TMEM163: variants seen among roughly 807,000 people sequenced by gnomAD.
TMEM163 encodes the protein transmembrane protein 163.
Under a neutral mutation model 29.3 loss-of-function variants are expected in TMEM163, and 17 were observed. That is an observed-to-expected ratio of 0.58 (90% CI 0.40 to 0.87). The LOEUF is 0.87. Among genes scored for constraint, TMEM163 ranks in the 40% least tolerant of loss-of-function variants. The pLI is 0.00. For synonymous variants in TMEM163, 157 were observed against 160.6 expected, an observed-to-expected ratio of 0.98 and a Z score of 0.17; for missense variants, 303 against 381.5, an observed-to-expected ratio of 0.79 and a Z score of 1.71.
Position 134,524,841 on chromosome 2 carries a change from T to C in TMEM163, c.459-21844A>G, listed in dbSNP as rs147927171. On this transcript the variant is annotated intron_variant, in intron 4 of 7. Coordinates refer to ENST00000281924, the MANE Select transcript of TMEM163 (RefSeq NM_030923.5). ...GCTGCAATGAACATATACATGCATG[T>C]ATGTTTATAATAGAATGATTTCTAT... Among the ~76,000 whole-genome samples the C allele has an allele frequency of 1.3e-5, 2 of 150,400 alleles. 1 individual carries two copies. The highest frequency in any genetic ancestry group is 4.9e-5 in the African/African-American group (2 of 40,948).
At chr2:134,489,297 G>A (rs921672209) in intron 5 of TMEM163, among the ~76,000 whole-genome samples, 32 of 151,808 alleles carry the variant, frequency 2.1e-4, no homozygotes, top group African/African-American at 7.3e-4. Context: ...GTGTGGGCCA[G>A]GCGTGATGAT....
intron 2 of TMEM163, among the ~76,000 whole-genome samples, chr2:134,622,811 G>A (rs989203935): frequency 1.3e-5 from 2 of 152,034 alleles, no homozygotes; most frequent in Non-Finnish European, 2.9e-5. Context: ...TGCCCAGACT[G>A]GAGTGGAGTG....
At chr2:134,477,923 T>G (rs936740270) in intron 5 of TMEM163, among the ~76,000 whole-genome samples, 7 of 152,184 alleles carry the variant, frequency 4.6e-5, no homozygotes, top group Non-Finnish European at 8.8e-5. Context: ...TGATTCCAAA[T>G]GTTGGAGGTG....
chr2:134,630,429 T>A (rs1036911731), intron 2 of TMEM163, among the ~76,000 whole-genome samples: 4 of 151,966 alleles, frequency 2.6e-5, no homozygotes, highest in African/African-American at 9.7e-5. Context: ...TCTTCATATA[T>A]CTGAATTTCC....
chr2:134,494,796 G>T (rs1184012561), intron 5 of TMEM163, among the ~76,000 whole-genome samples: 1 of 152,206 alleles, frequency 6.6e-6, no homozygotes. Context: ...TGGCAGGGTT[G>T]GGCTGTCTCC....
chr2:134,625,294 TAAG>T (rs1430071109), intron 2 of TMEM163, among the ~76,000 whole-genome samples: 4 of 152,234 alleles, frequency 2.6e-5, no homozygotes, highest in African/African-American at 9.6e-5. Context: ...TGCTCTGTTC[TAAG>T]AAGTCAATAC....
At chr2:134,528,813 G>A (rs1303888438) in intron 4 of TMEM163, among the ~76,000 whole-genome samples, 3 of 152,154 alleles carry the variant, frequency 2.0e-5, no homozygotes, top group Admixed American at 1.3e-4. Flanking sequence ...TCAGACACAA[G>A]ATTGTATAAA....
At chr2:134,715,367 T>A (rs1339254573) in intron 1 of TMEM163, among the ~76,000 whole-genome samples, 2 of 152,188 alleles carry the variant, frequency 1.3e-5, no homozygotes, top group East Asian at 3.8e-4. Flanking sequence ...ACTGTCCCGC[T>A]AAGGTGGCAC....
intron 2 of TMEM163, among the ~76,000 whole-genome samples, chr2:134,629,973 C>T (rs1682931851): frequency 6.6e-6 from 1 of 152,184 alleles, no homozygotes; most frequent in Admixed American, 6.5e-5. Flanking sequence ...AATTAGAGGA[C>T]ATGATGAATT....
intron 2 of TMEM163, among the ~76,000 whole-genome samples, chr2:134,698,110 C>A (rs1341281671): frequency 2.6e-5 from 4 of 152,180 alleles, no homozygotes; most frequent in Admixed American, 2.6e-4. Flanking sequence ...GAGGGGCTGT[C>A]CTGTGTACTC....
chr2:134,533,678 A>G (rs527314989), intron 4 of TMEM163, among the ~76,000 whole-genome samples: 2 of 152,318 alleles, frequency 1.3e-5, no homozygotes, highest in East Asian at 3.9e-4. Context: ...ATATAAGCAG[A>G]TCACATCACC....
At chr2:134,712,092 A>G (rs1684939117) in intron 2 of TMEM163, among the ~76,000 whole-genome samples, 1 of 152,186 alleles carries the variant, frequency 6.6e-6, no homozygotes, top group Non-Finnish European at 1.5e-5. Context: ...TCACCGGTAA[A>G]AAACGTTTAT....
At chr2:134,688,060 C>A (rs1234744482) in intron 2 of TMEM163, among the ~76,000 whole-genome samples, 2 of 152,134 alleles carry the variant, frequency 1.3e-5, no homozygotes, top group Non-Finnish European at 2.9e-5. Context: ...CCACTACCGG[C>A]CGCTCAACAC....
intron 2 of TMEM163, among the ~76,000 whole-genome samples, chr2:134,701,664 C>G (rs1017163591): frequency 1.3e-5 from 2 of 152,168 alleles, no homozygotes; most frequent in Non-Finnish European, 2.9e-5. Context: ...AATCCCTGCA[C>G]TTTGGGAGGC....
In TMEM163 at chr2:134,455,927, C is replaced by G. The variant is rs1286859760; in HGVS notation, c.*789G>C. 1.4e-5 allele frequency: 2 copies of G among 143,276 alleles called. No homozygotes were observed. The highest frequency in any genetic ancestry group is 3.0e-5 in the Non-Finnish European group (2 of 65,778). The allele number at this position is 143,276 out of a possible 1,614,324, so 8.9% of individuals were successfully genotyped here. ...TCCTTACAGAGGGAGCGATCCATCT[C>G]TCACAGACTGTAATGTACCCATTAC... On this transcript the variant is annotated 3_prime_UTR_variant, in exon 8 of 8. Coordinates refer to ENST00000281924, the MANE Select transcript of TMEM163 (RefSeq NM_030923.5).
chr2:134,689,917 T>G (rs1040258701), intron 2 of TMEM163, among the ~76,000 whole-genome samples: 8 of 109,044 alleles, frequency 7.3e-5, no homozygotes, highest in Non-Finnish European at 1.7e-4. Context: ...CTTTGCGGTT[T>G]GTTTGTTTGT....
At chr2:134,599,467 G>A (rs369539689) in intron 2 of TMEM163, among the ~76,000 whole-genome samples, 1 of 152,028 alleles carries the variant, frequency 6.6e-6, no homozygotes, top group South Asian at 2.1e-4. Context: ...TCCACCATGG[G>A]AGGATACAAT....
intron 2 of TMEM163, among the ~76,000 whole-genome samples, chr2:134,596,206 G>T (rs1232132959): frequency 6.6e-6 from 1 of 152,126 alleles, no homozygotes; most frequent in Non-Finnish European, 1.5e-5. Flanking sequence ...GTCCTGAATG[G>T]TATTGCCTAG....
In TMEM163 at chr2:134,681,406, G is replaced by A. The variant is rs376352063; in HGVS notation, c.322+31794C>T. 2.9e-4 allele frequency among the ~76,000 whole-genome samples: 44 copies of A among 152,238 alleles called. 1 individual carries two copies. In the South Asian group the frequency reaches 8.3e-3, roughly 29 times the overall value. The stretch of plus-strand genomic sequence containing the variant: ...CACACAAACCGCATTCCAGTGTCCC[G>A]GTCAAGCTCAGCCAACCACTGGCAA... On this transcript the variant is annotated intron_variant, in intron 2 of 7. Coordinates refer to ENST00000281924, the MANE Select transcript of TMEM163 (RefSeq NM_030923.5).
Sources: gnomAD v4.1 joint callset for allele counts (sites outside exome capture counted in the v4.1 genomes callset) on GRCh38, gnomAD v4.1.1 for gene constraint, MANE v1.5 for transcripts, NCBI Gene and HGNC (gene_info 2026-07-23, HGNC 2026-07-21) for gene names.